Variants in SLITRK3 observed in about 807,000 individuals in gnomAD.
The protein encoded by SLITRK3 is SLIT and NTRK like family member 3.
A neutral mutation model predicts 63.6 loss-of-function variants in SLITRK3; 16 were observed. That is an observed-to-expected ratio of 0.25 (90% CI 0.17 to 0.38). The LOEUF is 0.38. SLITRK3 is among the 10% of genes least tolerant of loss of function. SLITRK3 has a pLI of 1.00. For missense variants in SLITRK3, 1,117 were observed against 1,181.4 expected, an observed-to-expected ratio of 0.95 and a Z score of 0.80; for synonymous variants, 547 against 451.6, an observed-to-expected ratio of 1.21 and a Z score of -2.68.
At position 165,190,758 on chromosome 3, in the gene SLITRK3, G is replaced by C. The variant is rs1465484819; in HGVS notation, c.73C>G (p.Leu25Val). The C allele has an allele frequency of 6.2e-7, 1 of 1,613,394 alleles. No individual in the cohort carries two copies. Among genetic ancestry groups the C allele is most frequent in the Non-Finnish European group, 8.5e-7 (1 of 1,179,744 alleles). ...LWIILLSTIALGWTTPIPLIE... is the reference protein window; with the variant it reads ...LWIILLSTIAVGWTTPIPLIE... ...AGGGGAATCGGGGTAGTCCATCCTA[G>C]AGCAATTGTGCTTAGAAGAATTATC... The change falls in exon 2 of 2, where the codon CTA (leucine) becomes GTA (valine). Residue 25 changes from leucine to valine, a missense_variant. By Grantham distance (32) the Leu-to-Val change is conservative. Transcript: ENST00000475390.
At chr3:165,192,254 A>G (rs1239248874) in intron 1 of SLITRK3, among the ~76,000 whole-genome samples, 1 of 152,224 alleles carries the variant, frequency 6.6e-6, no homozygotes, top group Admixed American at 6.5e-5. Context: ...CTGTAAAGAA[A>G]GGAGATACCG....
At chr3:165,193,822 C>T (rs1465016463) in intron 1 of SLITRK3, among the ~76,000 whole-genome samples, 1 of 151,874 alleles carries the variant, frequency 6.6e-6, no homozygotes, top group African/African-American at 2.4e-5. Context: ...CTTTCTCTTT[C>T]TTATTTTTTA....
Position 165,187,023 on chromosome 3 carries a change from G to C in SLITRK3, c.*874C>G, listed in dbSNP as rs1454365378. 1 of 152,490 alleles carries C rather than the reference G, an allele frequency of 6.6e-6. No individual in the cohort carries two copies. The highest frequency in any genetic ancestry group is 2.4e-5 in the African/African-American group (1 of 41,366). 9.4% of individuals were successfully genotyped at this position (152,490 alleles called of 1,614,324 possible). On this transcript the variant is annotated 3_prime_UTR_variant, in exon 2 of 2. Transcript: ENST00000475390. ...AAAGAGGGTGCTCATCCCTAGGCGT[G>C]TGTCTTCGGCTGTTAAACCACCAGG...
At position 165,190,300 on chromosome 3, in the gene SLITRK3, A is replaced by G; in HGVS notation, c.531T>C (p.Val177=). Reference sequence around the variant, plus strand: ...GGATGAGATTATCATTTAAAATCAGAACCCTCAATTTACTTAGGTTCCGAA... The same window carrying G: ...GGATGAGATTATCATTTAAAATCAGGACCCTCAATTTACTTAGGTTCCGAA... ...GAFRNLSKLR[V]LILNDNLIPM... The change falls in exon 2 of 2, where the codon GTT becomes GTC. Residue 177 remains valine (V), a synonymous_variant. Transcript: ENST00000475390. 1.9e-6 allele frequency: 3 copies of G among 1,614,196 alleles called. No homozygotes were observed. Among genetic ancestry groups the G allele is most frequent in the South Asian group, 2.2e-5 (2 of 91,078 alleles).
In SLITRK3 at chr3:165,187,582, A is replaced by G. The variant is rs1183009467; in HGVS notation, c.*315T>C. Reference sequence around the variant, plus strand: ...TAGGATCCATACAATGATCCCCAGTATATCTTATACATGGCACAGTCAAAG... The same window carrying G: ...TAGGATCCATACAATGATCCCCAGTGTATCTTATACATGGCACAGTCAAAG... On this transcript the variant is annotated 3_prime_UTR_variant, in exon 2 of 2. Transcript: ENST00000475390. 8.5e-6 allele frequency: 2 copies of G among 236,048 alleles called. No individual in the cohort carries two copies. The highest frequency in any genetic ancestry group is 8.5e-5 in the East Asian group (1 of 11,834). The allele number at this position is 236,048 out of a possible 1,614,324, so 14.6% of individuals were successfully genotyped here. A position where few individuals can be genotyped will look rare whatever the true frequency, so the allele number is the denominator to read the frequency against.
intron 1 of SLITRK3, among the ~76,000 whole-genome samples, chr3:165,194,932 AGTT>A (rs1560056670): frequency 6.6e-6 from 1 of 152,098 alleles, no homozygotes; most frequent in Non-Finnish European, 1.5e-5. Flanking sequence ...ATGGGGCCCC[AGTT>A]TTTTCCGTGT....
chr3:165,186,825 A>G lies in SLITRK3; in HGVS notation c.*1072T>C, dbSNP rs1717970941. 6.6e-6 allele frequency: 1 copy of G among 152,596 alleles called. No homozygotes were observed. The highest frequency in any genetic ancestry group is 1.5e-5 in the Non-Finnish European group (1 of 68,044). 9.5% of individuals were successfully genotyped at this position (152,596 alleles called of 1,614,324 possible). A position where few individuals can be genotyped will look rare whatever the true frequency, so the allele number is the denominator to read the frequency against. Reference sequence around the variant, plus strand: ...AATTTATAATCACTGAAATTACAGAATAAATATATGCACATTTCTTTTGAA... The same window carrying G: ...AATTTATAATCACTGAAATTACAGAGTAAATATATGCACATTTCTTTTGAA... On this transcript the variant is annotated 3_prime_UTR_variant, in exon 2 of 2. Coordinates refer to ENST00000475390, the MANE Select transcript of SLITRK3 (RefSeq NM_001318810.2).
At chr3:165,195,319 G>T (rs1304256496) in intron 1 of SLITRK3, among the ~76,000 whole-genome samples, 1 of 152,032 alleles carries the variant, frequency 6.6e-6, no homozygotes, top group African/African-American at 2.4e-5. Context: ...CCTTCGCTCC[G>T]CCACCTGGCC....
chr3:165,195,253 A>C (rs955527136), intron 1 of SLITRK3, among the ~76,000 whole-genome samples: 3 of 152,200 alleles, frequency 2.0e-5, no homozygotes, highest in Non-Finnish European at 2.9e-5. Context: ...TAAAAGCTCA[A>C]GCCTTTTTCC....
At chr3:165,192,526 G>T (rs1718269458) in intron 1 of SLITRK3, among the ~76,000 whole-genome samples, 1 of 150,498 alleles carries the variant, frequency 6.6e-6, no homozygotes, top group African/African-American at 2.4e-5. Context: ...TGGGTTTCGG[G>T]TTTTTTTGTA....
At chr3:165,196,423 G>C (rs1333317931), upstream of SLITRK3, among the ~76,000 whole-genome samples, 3 of 137,708 alleles carry the variant, frequency 2.2e-5, no homozygotes, top group Non-Finnish European at 4.7e-5. Context: ...TCTCGAGCGG[G>C]AGAAGGTGCG....
chr3:165,189,826 G>A lies in SLITRK3; in HGVS notation c.1005C>T (p.Pro335=), dbSNP rs1718126854. The A allele has an allele frequency of 1.2e-6, 2 of 1,613,984 alleles. No homozygotes were observed. The highest frequency in any genetic ancestry group is 1.3e-5 in the African/African-American group (1 of 74,882). ...GCCTTGGTGTTCGAGGCTGTTTGGT[G>A]GGCTTAGGCTGTTTATTTGAGGACT... The part of the protein sequence containing the change: ...EYKSSNKQPK[P]TKQPRTPRPP... Residue 335 remains proline (P), a synonymous_variant, in exon 2 of 2, where the codon CCC becomes CCT. Transcript: ENST00000475390. This position sits in a 1 kb window ranked among gnomAD's most constrained non-coding sequence, Gnocchi z 4.0.
At chr3:165,194,028 T>C (rs1303983436) in intron 1 of SLITRK3, among the ~76,000 whole-genome samples, 1 of 151,994 alleles carries the variant, frequency 6.6e-6, no homozygotes, top group African/African-American at 2.4e-5. Flanking sequence ...GAATGCAGCT[T>C]GGTGGGGAAA....
Position 165,190,096 on chromosome 3 carries a change from A to G in SLITRK3, c.735T>C (p.Ser245=), listed in dbSNP as rs140320748. 35 of 1,613,722 alleles carry G rather than the reference A, an allele frequency of 2.2e-5. No individual in the cohort carries two copies. In the African/African-American group the frequency reaches 4.7e-4, roughly 22 times the overall value. ...NCTCEIVQLK[S]WLERIPYTAL... is the part of the protein sequence containing the mutation. ...CAGTATAAGGAATGCGTTCCAGCCA[A>G]CTCTTCAGTTGTACAATTTCACATG... The change falls in exon 2 of 2, where the codon AGT becomes AGC. Residue 245 remains serine (S), a synonymous_variant. Transcript: ENST00000475390.
upstream of SLITRK3, chr3:165,196,792 C>CGG (rs1398144658): frequency 6.6e-6 from 1 of 152,186 alleles, no homozygotes. Flanking sequence ...TCCTCCGCGC[C>CGG]AACTGTGTAA....
At chr3:165,192,068 T>G (rs1718248997) in intron 1 of SLITRK3, among the ~76,000 whole-genome samples, 1 of 152,186 alleles carries the variant, frequency 6.6e-6, no homozygotes, top group Non-Finnish European at 1.5e-5. Context: ...AATCAAAATT[T>G]AATAGCTGAT....
rs1266631860 is a variant in SLITRK3 at position 165,188,833 on chromosome 3, T to G, written c.1998A>C (p.Ser666=). Residue 666 remains serine (S), a synonymous_variant, in exon 2 of 2, where the codon TCA becomes TCC. Coordinates refer to ENST00000475390, the MANE Select transcript of SLITRK3 (RefSeq NM_001318810.2). ...AGAGGCCTGCAGCAACAAAGACTGC[T>G]GAGAAAAACAGAACCAGCAGGCTGA... ...LILSLLVLFF[S]AVFVAAGLFA... The G allele has an allele frequency of 6.2e-6, 10 of 1,614,106 alleles. No individual in the cohort carries two copies. The highest frequency in any genetic ancestry group is 8.5e-6 in the Non-Finnish European group (10 of 1,180,024).
At position 165,190,527 on chromosome 3, in the gene SLITRK3, T is replaced by C. The variant is rs1718172362; in HGVS notation, c.304A>G (p.Asn102Asp). 2.7e-5 allele frequency: 44 copies of C among 1,613,750 alleles called. No homozygotes were observed. The highest frequency in any genetic ancestry group is 3.7e-5 in the Non-Finnish European group (44 of 1,179,926). Residue 102 changes from asparagine (N) to aspartate (D), a missense_variant, in exon 2 of 2, where the codon AAT becomes GAT. By Grantham distance (23) the Asn-to-Asp change is conservative. Coordinates refer to ENST00000475390, the MANE Select transcript of SLITRK3 (RefSeq NM_001318810.2). ...TTCCCAAGATTAATAGACACAGCAT[T>C]ATTCAAATGAAGAAAACTGTTGGTA... Reference protein sequence around the residue: ...LYTNSFLHLNNAVSINLGNNA... With the variant: ...LYTNSFLHLNDAVSINLGNNA...
rs758054144 is a variant in SLITRK3, at chr3:165,188,911, T to G, written c.1920A>C (p.Ser640=). 14 of 1,613,894 alleles carry G rather than the reference T, an allele frequency of 8.7e-6. No homozygotes were observed. The African/African-American group carries it at 1.7e-4, about 20-fold the overall frequency. The change falls in exon 2 of 2, where the codon TCA becomes TCC. Residue 640 remains serine (S), a synonymous_variant. Transcript: ENST00000475390. The part of the protein sequence containing the change: ...SHLIGAPTSA[S]PYEFSPPGGP... ...CCCCAGGAGGAGAAAACTCATAAGG[T>G]GATGCACTGGTTGGTGCCCCAATAA...
Sources: allele counts gnomAD v4.1 joint callset (sites outside exome capture counted in the v4.1 genomes callset), GRCh38; gene constraint gnomAD v4.1.1; non-coding constraint Gnocchi (gnomAD v3.1); transcripts MANE v1.5; gene names NCBI Gene and HGNC (gene_info 2026-07-23, HGNC 2026-07-21).